RAD52: variants seen among roughly 807,000 people sequenced by gnomAD.
The protein encoded by RAD52 is DNA repair protein RAD52 homolog.
RAD52 carries 47 observed loss-of-function variants against 55.5 expected under a neutral mutation model. The ratio of observed to expected loss-of-function variants is 0.85; its 90% CI spans 0.67 to 1.08. RAD52 has a LOEUF of 1.08. Among genes scored for constraint, RAD52 ranks in the 50% least tolerant of loss-of-function variants. The probability of loss-of-function intolerance (pLI) is 0.00; values close to 1 mark genes in which losing one functional copy is unlikely to be tolerated. For synonymous variants in RAD52, 184 were observed against 198.9 expected (o/e 0.92, Z 0.63); for missense variants, 468 against 522.8 (o/e 0.90, Z 1.02).
At position 913,913 on chromosome 12, in the gene RAD52, G is replaced by A. The variant is rs1277849887; in HGVS notation, c.1176C>T (p.Ser392=). The A allele has an allele frequency of 5.0e-6, 8 of 1,613,952 alleles. No homozygotes were observed. Among genetic ancestry groups the A allele is most frequent in the Middle Eastern group, 1.6e-4 (1 of 6,084 alleles). The change falls in exon 11 of 12, where the codon AGC becomes AGT. Residue 392 remains serine (S), a synonymous_variant. Transcript: ENST00000358495. ...KSGSWDLQTY[S]ADQRTTGNWE... is the part of the protein sequence containing the mutation. ...TGCTACCTGTTGTGCGTTGGTCAGC[G>A]CTATAAGTTTGGAGGTCCCAAGATC...
chr12:956,078 C>A (rs1405408121), intron 1 of RAD52, among the ~76,000 whole-genome samples: 1 of 152,200 alleles, frequency 6.6e-6, no homozygotes, highest in African/African-American at 2.4e-5. Flanking sequence ...CTGCTACTCC[C>A]CTTCCTATAC....
intron 1 of RAD52, among the ~76,000 whole-genome samples, chr12:956,826 C>T (rs1405811765): frequency 6.6e-6 from 1 of 152,154 alleles, no homozygotes; most frequent in African/African-American, 2.4e-5. Flanking sequence ...GGATTACAGG[C>T]GTGAGCCACC....
At chr12:983,249 C>G (rs1267470561) in intron 1 of RAD52, among the ~76,000 whole-genome samples, 3 of 152,000 alleles carry the variant, frequency 2.0e-5, no homozygotes, top group African/African-American at 7.3e-5. Flanking sequence ...TTTATTACAG[C>G]AGCACTCCAC....
chr12:982,212 C>A lies in RAD52; in HGVS notation c.-19+7597G>T, dbSNP rs867219374. On this transcript the variant is annotated intron_variant, in intron 1 of 11. Transcript: ENST00000430095. ...GCCTTCTTTCCTTCTGTCCTGTGTCCCCTTTAGTCCAAGATGACAGTGTTT... is the reference window on the plus strand; with the variant it reads ...GCCTTCTTTCCTTCTGTCCTGTGTCACCTTTAGTCCAAGATGACAGTGTTT... Among the ~76,000 whole-genome samples, 18 of 152,286 alleles carry A rather than the reference C, an allele frequency of 1.2e-4. 1 individual carries two copies. In the Middle Eastern group the frequency reaches 0.014, roughly 116 times the overall value.
intron 1 of RAD52, among the ~76,000 whole-genome samples, chr12:964,090 G>A (rs1958724240): frequency 6.6e-6 from 1 of 152,168 alleles, no homozygotes; most frequent in Admixed American, 6.6e-5. Flanking sequence ...GGCAAGCACA[G>A]GTGAGATCAG....
At chr12:919,077 G>T (rs191318910) in intron 7 of RAD52, among the ~76,000 whole-genome samples, 1 of 152,272 alleles carries the variant, frequency 6.6e-6, no homozygotes, top group Admixed American at 6.5e-5. Flanking sequence ...AGGAAAGCAA[G>T]GCAGTGACTG....
At chr12:973,779 CTTCT>C (rs1292794393) in intron 1 of RAD52, among the ~76,000 whole-genome samples, 1 of 136,848 alleles carries the variant, frequency 7.3e-6, no homozygotes, top group African/African-American at 3.0e-5. Flanking sequence ...ACGCCCAGTC[CTTCT>C]TTTTTTTTTT....
chr12:965,370 T>C (rs968784486), intron 1 of RAD52, among the ~76,000 whole-genome samples: 4 of 152,082 alleles, frequency 2.6e-5, no homozygotes, highest in African/African-American at 9.7e-5. Flanking sequence ...ACGACTGCTT[T>C]GTATTGTTAT....
At chr12:931,189 G>A in intron 3 of RAD52, 31 bp downstream of exon 3, 2 of 1,568,812 alleles carry the variant, frequency 1.3e-6, no homozygotes, top group Non-Finnish European at 1.8e-6. Context: ...CGGTATGGAT[G>A]CCTGCTTTCC....
In RAD52 at chr12:913,144, C is replaced by A. The variant is rs558533945; in HGVS notation, c.*247G>T. ...CAGTAATAAATAGTGGGAAGCCTCA[C>A]AAGCCGAAGAAAAGGTATTCATCTG... On this transcript the variant is annotated 3_prime_UTR_variant, in exon 12 of 12. Transcript: ENST00000358495. The A allele has an allele frequency of 3.3e-3, 1,383 of 419,414 alleles. 3 individuals are homozygous for A. Among genetic ancestry groups the A allele is most frequent in the Non-Finnish European group, 4.4e-3 (1,057 of 237,922 alleles). The allele number at this position is 419,414 out of a possible 1,614,324, so 26.0% of individuals were successfully genotyped here. A position where few individuals can be genotyped will look rare whatever the true frequency, so the allele number is the denominator to read the frequency against.
chr12:929,665 G>C (rs771299554), intron 5 of RAD52, 154 bp downstream of exon 5: 1 of 814,440 alleles, frequency 1.2e-6, no homozygotes, highest in Non-Finnish European at 2.2e-6. Flanking sequence ...GAGCACATGA[G>C]CAAGAGTATT....
intron 1 of RAD52, among the ~76,000 whole-genome samples, chr12:985,978 A>G (rs1301648776): frequency 7.2e-6 from 1 of 137,954 alleles, no homozygotes; most frequent in Non-Finnish European, 1.5e-5. Context: ...CTTGTTGCCC[A>G]GGATGGAGTG....
chr12:954,394 G>C (rs193267937), upstream of RAD52, among the ~76,000 whole-genome samples: 6 of 152,342 alleles, frequency 3.9e-5, no homozygotes, highest in Non-Finnish European at 7.3e-5. Flanking sequence ...CACTTTGGGA[G>C]GCCGAGGTGG....
At chr12:989,201 C>G (rs1018148278) in intron 1 of RAD52, among the ~76,000 whole-genome samples, 3 of 152,154 alleles carry the variant, frequency 2.0e-5, no homozygotes, top group African/African-American at 7.2e-5. Context: ...CTCACTCTTG[C>G]TCTGTCTGGT....
At chr12:935,860 AT>A (rs879570189) in intron 1 of RAD52, among the ~76,000 whole-genome samples, 533 of 2,070 alleles carry the variant, frequency 0.26, 10 homozygotes, top group Admixed American at 0.47. Context: ...TCTCAAAAAA[AT>A]AAATAAATAA....
In RAD52 at chr12:980,122, G is replaced by A. The variant is rs538791752; in HGVS notation, c.-19+9687C>T. 1.1e-4 allele frequency among the ~76,000 whole-genome samples: 16 copies of A among 152,030 alleles called. No individual in the cohort carries two copies. In the South Asian group the frequency reaches 1.9e-3, roughly 18 times the overall value. On this transcript the variant is annotated intron_variant, in intron 1 of 11. Coordinates refer to the RAD52 transcript ENST00000430095. ...GGAAAATTGCTTGAACCTGCGAGGC[G>A]GAGGTTGCAGTGAGCTGAGATTGTG... is the stretch of plus-strand genomic sequence containing the variant.
chr12:916,585 GC>G (rs1301040902), intron 8 of RAD52, 53 bp downstream of exon 8: 1 of 1,596,664 alleles, frequency 6.3e-7, no homozygotes, highest in African/African-American at 1.3e-5. Context: ...AGTGGAGGCA[GC>G]CCCGTGACAC....
At chr12:944,091 C>T (rs1958063339) in intron 1 of RAD52, among the ~76,000 whole-genome samples, 1 of 152,032 alleles carries the variant, frequency 6.6e-6, no homozygotes, top group African/African-American at 2.4e-5. Context: ...TGGAATGTTC[C>T]CGTAGTCCTA....
intron 2 of RAD52, among the ~76,000 whole-genome samples, 200 bp downstream of exon 2, chr12:932,775 T>C (rs1438988658): frequency 1.3e-5 from 2 of 152,126 alleles, no homozygotes; most frequent in Non-Finnish European, 2.9e-5. Flanking sequence ...TACTAGGTAC[T>C]GCCCCCGCAC....
Sources: gnomAD v4.1 joint callset for allele counts (sites outside exome capture counted in the v4.1 genomes callset) on GRCh38, gnomAD v4.1.1 for gene constraint, MANE v1.5 for transcripts, NCBI Gene and HGNC (gene_info 2026-07-23, HGNC 2026-07-21) for gene names.